The following EYS variants were observed in gnomAD, a reference collection of about 807,000 sequenced individuals.
The protein encoded by EYS is EGF-like photoreceptor maintenance factor, also known as protein eyes shut homolog.
A neutral mutation model predicts 282.1 loss-of-function variants in EYS; 250 were observed. The observed-to-expected ratio is 0.89, with a 90% CI of 0.80 to 0.98. The LOEUF is 0.98. Ranked by LOEUF, EYS falls within the 50% of genes least tolerant of loss-of-function variation. The probability of loss-of-function intolerance (pLI) is 0.00; values close to 1 mark genes in which losing one functional copy is unlikely to be tolerated. For synonymous variants in EYS, 1,355 were observed against 1,282.9 expected (o/e 1.06, Z -1.20); for missense variants, 4,016 against 3,709.0 (o/e 1.08, Z -2.15).
At chr6:65,106,327 CTG>C (rs1378269772) in intron 12 of EYS, among the ~76,000 whole-genome samples, 2 of 151,952 alleles carry the variant, frequency 1.3e-5, no homozygotes, top group African/African-American at 4.8e-5. Context: ...TTACTTGTAA[CTG>C]AGGCTATTTT....
intron 1 of EYS, among the ~76,000 whole-genome samples, chr6:65,673,722 T>C (rs1007500954): frequency 3.3e-5 from 5 of 151,986 alleles, no homozygotes; most frequent in African/African-American, 7.2e-5. Flanking sequence ...ATTTGATTAA[T>C]AAAGGCCGGT....
At chr6:64,404,562 C>T (rs530648677) in intron 28 of EYS, among the ~76,000 whole-genome samples, 3 of 152,106 alleles carry the variant, frequency 2.0e-5, no homozygotes, top group Admixed American at 6.5e-5. Flanking sequence ...AATACTACCA[C>T]GTGTCAGGCA....
chr6:63,871,182 A>G (rs1176281749), intron 35 of EYS, among the ~76,000 whole-genome samples: 1 of 152,222 alleles, frequency 6.6e-6, no homozygotes, highest in Admixed American at 6.5e-5. Flanking sequence ...CATAGAGTAT[A>G]AGTAGATCTG....
chr6:64,902,047 G>A, intron 18 of EYS, 66 bp downstream of exon 18: 27 of 1,011,740 alleles, frequency 2.7e-5, no homozygotes, highest in Non-Finnish European at 3.5e-5. Flanking sequence ...ATGAGCACAT[G>A]TGTGCTCACT....
chr6:65,309,431 C>A (rs1204913397), intron 11 of EYS, among the ~76,000 whole-genome samples: 4 of 152,192 alleles, frequency 2.6e-5, no homozygotes, highest in East Asian at 1.9e-4. Flanking sequence ...AACATGGGGC[C>A]TGATAGACTT....
At chr6:64,379,822 C>A (rs1772686106) in intron 29 of EYS, 1 of 151,846 alleles carries the variant, frequency 6.6e-6, no homozygotes, top group African/African-American at 2.4e-5. Flanking sequence ...TGTACATATG[C>A]CTACATATAT....
chr6:64,217,530 CT>C (rs1765970889), intron 31 of EYS, among the ~76,000 whole-genome samples: 1 of 152,020 alleles, frequency 6.6e-6, no homozygotes, highest in Non-Finnish European at 1.5e-5. Context: ...CTCCGTCCCC[CT>C]GCCACCCCCA....
chr6:64,127,310 T>C (rs185512697), intron 31 of EYS, among the ~76,000 whole-genome samples: 2 of 152,266 alleles, frequency 1.3e-5, no homozygotes, highest in Admixed American at 1.3e-4. Flanking sequence ...TAAGTGACTT[T>C]TCAAATGGTA....
intron 8 of EYS, among the ~76,000 whole-genome samples, chr6:65,373,330 T>C (rs1765233390): frequency 6.6e-6 from 1 of 152,166 alleles, no homozygotes. Context: ...GAAAATTTCA[T>C]GTTAAATGCT....
chr6:63,838,472 G>A (rs370410967), intron 36 of EYS, among the ~76,000 whole-genome samples: 5 of 152,016 alleles, frequency 3.3e-5, no homozygotes, highest in Admixed American at 6.6e-5. Context: ...AGAGACAGTC[G>A]GCATCTTGAA....
chr6:64,874,126 G>GT (rs1290127153), intron 19 of EYS, among the ~76,000 whole-genome samples: 1 of 152,016 alleles, frequency 6.6e-6, no homozygotes, highest in African/African-American at 2.4e-5. Context: ...AAGGCACTTT[G>GT]TTACAGATAA....
At chr6:64,351,748 T>A (rs1771648947) in intron 29 of EYS, among the ~76,000 whole-genome samples, 1 of 151,518 alleles carries the variant, frequency 6.6e-6, no homozygotes, top group Admixed American at 6.6e-5. Context: ...AGCCCTGATA[T>A]TTTCCTTCTG....
intron 12 of EYS, among the ~76,000 whole-genome samples, chr6:65,109,348 A>T (rs1053578950): frequency 2.0e-5 from 3 of 151,884 alleles, no homozygotes; most frequent in Admixed American, 2.0e-4. Context: ...AATTTTAGAG[A>T]TTCTAAATTT....
chr6:64,109,206 C>T (rs573013689), intron 31 of EYS, among the ~76,000 whole-genome samples: 1 of 152,174 alleles, frequency 6.6e-6, no homozygotes, highest in Non-Finnish European at 1.5e-5. Context: ...AATTATTACT[C>T]TATCATTATT....
At chr6:64,380,317 A>G (rs1447513849) in intron 29 of EYS, among the ~76,000 whole-genome samples, 2 of 152,208 alleles carry the variant, frequency 1.3e-5, no homozygotes, top group Non-Finnish European at 2.9e-5. Flanking sequence ...TAATAGCTGT[A>G]GGAAACTACT....
At chr6:65,075,989 A>T (rs1774039621) in intron 12 of EYS, among the ~76,000 whole-genome samples, 1 of 152,032 alleles carries the variant, frequency 6.6e-6, no homozygotes, top group African/African-American at 2.4e-5. Context: ...AAGCATTAAA[A>T]CAGTAAATCA....
intron 1 of EYS, among the ~76,000 whole-genome samples, chr6:65,692,105 A>T (rs1769264417): frequency 6.6e-6 from 1 of 150,462 alleles, no homozygotes; most frequent in Non-Finnish European, 1.5e-5. Context: ...AATAAAAAAG[A>T]ATAAAATTAT....
At chr6:63,777,266 G>A (rs319925) in intron 40 of EYS, among the ~76,000 whole-genome samples, 77,854 of 151,844 alleles carry the variant, frequency 0.51, 21,923 homozygotes, top group African/African-American at 0.75. Flanking sequence ...TTCAGGGTAG[G>A]CTCTGTCTTT....
chr6:65,295,988 T>C lies in EYS; in HGVS notation c.1898A>G (p.Gln633Arg). The change falls in exon 12 of 43, where the codon CAA becomes CGA. Residue 633 changes from glutamine to arginine, a missense_variant. Gln to Arg is a conservative substitution (Grantham distance 43). Coordinates refer to ENST00000503581, the MANE Select transcript of EYS (RefSeq NM_001142800.2). ...CTCACAGATGTTCCTTTCATATCTT[T>C]GCAGACCGCTACAGTTACAATTGTG... ...LSHNCNCSGL[Q>R]RYERNICEID... is the part of the protein sequence containing the mutation. 6.4e-7 allele frequency: 1 copy of C among 1,551,316 alleles called. No homozygotes were observed. Among genetic ancestry groups the C allele is most frequent in the Non-Finnish European group, 8.7e-7 (1 of 1,146,594 alleles).
Sources: allele counts gnomAD v4.1 joint callset (sites outside exome capture counted in the v4.1 genomes callset), GRCh38; gene constraint gnomAD v4.1.1; transcripts MANE v1.5; gene names NCBI Gene and HGNC (gene_info 2026-07-23, HGNC 2026-07-21).